Variants in GTF2F2 observed in about 807,000 individuals in gnomAD.
The protein encoded by GTF2F2 is general transcription factor IIF subunit 2.
Under a neutral mutation model 42.2 loss-of-function variants are expected in GTF2F2, and 23 were observed. The observed-to-expected ratio is 0.55, with a 90% CI of 0.39 to 0.77. GTF2F2 has a LOEUF of 0.77. Ranked by LOEUF, GTF2F2 falls within the 30% of genes least tolerant of loss-of-function variation. The probability of loss-of-function intolerance (pLI) is 0.00; values close to 1 mark genes in which losing one functional copy is unlikely to be tolerated. For synonymous variants in GTF2F2, 105 were observed against 100.8 expected (o/e 1.04, Z -0.25); for missense variants, 261 against 287.2 (o/e 0.91, Z 0.66).
intron 4 of GTF2F2, among the ~76,000 whole-genome samples, chr13:45,201,822 T>C (rs1050741000): frequency 1.3e-4 from 20 of 152,094 alleles, no homozygotes; most frequent in African/African-American, 4.6e-4. Context: ...GAAGAGCAAA[T>C]GGCCAAGGAA....
At chr13:45,168,204 G>A (rs949609222) in intron 4 of GTF2F2, among the ~76,000 whole-genome samples, 23 of 152,270 alleles carry the variant, frequency 1.5e-4, no homozygotes, top group African/African-American at 5.1e-4. Flanking sequence ...ATAGATTAGG[G>A]GCTGTGGCAT....
At chr13:45,138,790 T>A (rs1012812196) in intron 2 of GTF2F2, among the ~76,000 whole-genome samples, 3 of 152,162 alleles carry the variant, frequency 2.0e-5, no homozygotes, top group Non-Finnish European at 4.4e-5. Flanking sequence ...GGCTTATAGA[T>A]GTGCGCCAGC....
In GTF2F2 at chr13:45,191,222, A is replaced by ATATATATAT. The variant is rs1555267758; in HGVS notation, c.305-16202_305-16201insTATATATAT. On this transcript the variant is annotated intron_variant, in intron 4 of 7. Coordinates refer to ENST00000340473, the MANE Select transcript of GTF2F2 (RefSeq NM_004128.3). The stretch of plus-strand genomic sequence containing the variant: ...CCGTCTCTACTAAAAATACAAAAAA[A>ATATATATAT]AAATATATATATATATATATATATA... Among the ~76,000 whole-genome samples the ATATATATAT allele has an allele frequency of 5.0e-3, 346 of 69,794 alleles. 1 individual carries two copies. Among genetic ancestry groups the ATATATATAT allele is most frequent in the African/African-American group, 0.013 (123 of 9,230 alleles). 45.8% of individuals were successfully genotyped at this position (69,794 alleles called of 152,430 possible).
intron 5 of GTF2F2, among the ~76,000 whole-genome samples, chr13:45,237,811 T>C (rs1372406790): frequency 6.6e-6 from 1 of 152,254 alleles, no homozygotes; most frequent in Non-Finnish European, 1.5e-5. Context: ...AAACAAAAGA[T>C]ACTTCATTTT....
At chr13:45,152,197 G>A (rs1007520044) in intron 4 of GTF2F2, among the ~76,000 whole-genome samples, 2 of 152,164 alleles carry the variant, frequency 1.3e-5, no homozygotes, top group African/African-American at 4.8e-5. Context: ...TTACAGGCGT[G>A]AGCCACCGCA....
chr13:45,185,579 T>G (rs1872381647), intron 4 of GTF2F2, among the ~76,000 whole-genome samples: 1 of 152,206 alleles, frequency 6.6e-6, no homozygotes, highest in African/African-American at 2.4e-5. Context: ...CCAGTAACAA[T>G]GTATTATATA....
intron 4 of GTF2F2, among the ~76,000 whole-genome samples, chr13:45,175,652 C>T (rs1048280620): frequency 7.2e-5 from 11 of 152,030 alleles, no homozygotes; most frequent in Admixed American, 1.3e-4. Flanking sequence ...GATGAAGGTT[C>T]GCTCTTTTTG....
At chr13:45,141,249 T>G (rs1338802387) in intron 2 of GTF2F2, among the ~76,000 whole-genome samples, 3 of 152,222 alleles carry the variant, frequency 2.0e-5, no homozygotes, top group Non-Finnish European at 4.4e-5. Flanking sequence ...CTTTGATCAC[T>G]AAAGTAAAAT....
At chr13:45,273,811 T>C (rs995550444) in intron 7 of GTF2F2, among the ~76,000 whole-genome samples, 2 of 151,862 alleles carry the variant, frequency 1.3e-5, no homozygotes, top group Non-Finnish European at 2.9e-5. Flanking sequence ...CCCGCCACCA[T>C]GCCCAGCTAA....
chr13:45,148,796 TA>T (rs927227022), intron 2 of GTF2F2, among the ~76,000 whole-genome samples: 19 of 151,920 alleles, frequency 1.3e-4, no homozygotes, highest in South Asian at 6.2e-4. Context: ...TTTTGCTTTG[TA>T]AAAAAAATTA....
At chr13:45,240,386 T>G (rs372928408) in intron 5 of GTF2F2, among the ~76,000 whole-genome samples, 119 of 152,282 alleles carry the variant, frequency 7.8e-4, no homozygotes, top group African/African-American at 2.8e-3. Flanking sequence ...TATATATAGA[T>G]CAGGACAGCC....
chr13:45,152,521 T>TA (rs1401611319), intron 4 of GTF2F2, among the ~76,000 whole-genome samples: 1 of 152,220 alleles, frequency 6.6e-6, no homozygotes, highest in Admixed American at 6.5e-5. Flanking sequence ...GAGTTGTACT[T>TA]AAAAAATACA....
intron 2 of GTF2F2, among the ~76,000 whole-genome samples, chr13:45,147,539 A>G (rs939134905): frequency 1.3e-5 from 2 of 152,040 alleles, no homozygotes; most frequent in East Asian, 1.9e-4. Context: ...TTGGGGGCCA[A>G]TCTTTGCCAT....
chr13:45,224,865 T>A (rs549942640), intron 5 of GTF2F2, among the ~76,000 whole-genome samples: 3 of 152,350 alleles, frequency 2.0e-5, no homozygotes, highest in African/African-American at 7.2e-5. Context: ...CTGCAGTCAA[T>A]CTCAATGTAT....
intron 5 of GTF2F2, among the ~76,000 whole-genome samples, chr13:45,236,450 T>C (rs536518013): frequency 2.0e-5 from 3 of 151,614 alleles, no homozygotes; most frequent in Non-Finnish European, 4.4e-5. Context: ...AGAAGATTGC[T>C]AAGTGCTCTC....
chr13:45,230,752 G>C (rs1874633915), intron 5 of GTF2F2, among the ~76,000 whole-genome samples: 1 of 152,072 alleles, frequency 6.6e-6, no homozygotes, highest in Non-Finnish European at 1.5e-5. Context: ...TATTTATGTG[G>C]CATTGTAACA....
chr13:45,125,458 T>TA, intron 1 of GTF2F2, among the ~76,000 whole-genome samples: 1 of 152,276 alleles, frequency 6.6e-6, no homozygotes, highest in South Asian at 2.1e-4. Flanking sequence ...TAGCTGGGGC[T>TA]ACAGGCGCGG....
At chr13:45,199,373 G>C (rs1873061911) in intron 4 of GTF2F2, among the ~76,000 whole-genome samples, 1 of 152,188 alleles carries the variant, frequency 6.6e-6, no homozygotes, top group South Asian at 2.1e-4. Context: ...ACATTTCTTT[G>C]ATTTTCACTA....
intron 7 of GTF2F2, among the ~76,000 whole-genome samples, chr13:45,272,277 G>A (rs1876825269): frequency 1.3e-5 from 2 of 150,944 alleles, no homozygotes; most frequent in Non-Finnish European, 3.0e-5. Flanking sequence ...ACTATAAGTG[G>A]GTGAAATTTA....
Sources: allele counts gnomAD v4.1 joint callset (sites outside exome capture counted in the v4.1 genomes callset), GRCh38; gene constraint gnomAD v4.1.1; transcripts MANE v1.5; gene names NCBI Gene and HGNC (gene_info 2026-07-23, HGNC 2026-07-21).